Variants in LRRC72 observed in about 807,000 individuals in gnomAD.
LRRC72 encodes leucine rich repeat containing 72, also known as leucine-rich repeat-containing protein 72.
Under a neutral mutation model 35.8 loss-of-function variants are expected in LRRC72, and 41 were observed. That is an observed-to-expected ratio of 1.15 (90% CI 0.89 to 1.49). The LOEUF (loss-of-function observed/expected upper bound fraction) is 1.49, where lower values mean the gene tolerates loss of function less well. LRRC72 is among the 40% of genes most tolerant of loss of function. The pLI, the probability that LRRC72 is intolerant of heterozygous loss-of-function variation, is 0.00. For synonymous variants in LRRC72, 118 were observed against 119.2 expected, an observed-to-expected ratio of 0.99 and a Z score of 0.07; for missense variants, 389 against 330.7, an observed-to-expected ratio of 1.18 and a Z score of -1.37.
chr7:16,563,359 T>C (rs377644982), intron 5 of LRRC72, among the ~76,000 whole-genome samples: 5 of 152,142 alleles, frequency 3.3e-5, no homozygotes, highest in Admixed American at 1.3e-4. Context: ...GGTAAGGTAG[T>C]AGAGACATTT....
intron 7 of LRRC72, among the ~76,000 whole-genome samples, chr7:16,577,888 A>AG (rs1783069990): frequency 6.6e-6 from 1 of 152,200 alleles, no homozygotes; most frequent in Non-Finnish European, 1.5e-5. Context: ...GTTAAAGATG[A>AG]GGGGGGAACG....
intron 1 of LRRC72, among the ~76,000 whole-genome samples, chr7:16,529,615 G>C (rs1348098784): frequency 6.6e-6 from 1 of 152,056 alleles, no homozygotes; most frequent in Non-Finnish European, 1.5e-5. Flanking sequence ...AATGTGAATT[G>C]GAACATTTTC....
intron 3 of LRRC72, among the ~76,000 whole-genome samples, chr7:16,550,763 C>T (rs573045862): frequency 6.6e-6 from 1 of 152,336 alleles, no homozygotes; most frequent in East Asian, 1.9e-4. Flanking sequence ...CCTGCCCTCA[C>T]TTCTACCACA....
chr7:16,539,129 C>G (rs1782312922), intron 3 of LRRC72, among the ~76,000 whole-genome samples: 1 of 152,184 alleles, frequency 6.6e-6, no homozygotes, highest in African/African-American at 2.4e-5. Flanking sequence ...AAGTTTGGAA[C>G]TTCCTAGAGA....
intron 5 of LRRC72, among the ~76,000 whole-genome samples, chr7:16,564,926 T>C (rs1782802862): frequency 6.6e-6 from 1 of 152,206 alleles, no homozygotes; most frequent in African/African-American, 2.4e-5. Context: ...GAGTTTCTAA[T>C]GCTTACTATT....
Position 16,576,934 on chromosome 7 carries a change from G to A in LRRC72, c.671-3140G>A, listed in dbSNP as rs192192399. 2.4e-4 allele frequency among the ~76,000 whole-genome samples: 36 copies of A among 152,284 alleles called. No individual in the cohort carries two copies. In the South Asian group the frequency reaches 3.5e-3, roughly 15 times the overall value. ...GACCAGGCAGACTATTTAACAAACA[G>A]CAATTCACCAAAGAGTGCACCAGTA... On this transcript the variant is annotated intron_variant, in intron 7 of 8. Transcript: ENST00000401542.
chr7:16,530,764 A>G (rs1782147767), intron 1 of LRRC72, among the ~76,000 whole-genome samples: 1 of 152,222 alleles, frequency 6.6e-6, no homozygotes, highest in Admixed American at 6.5e-5. Context: ...GATCAATTTA[A>G]AAGCACATTT....
At chr7:16,576,703 T>C (rs548755430) in intron 7 of LRRC72, among the ~76,000 whole-genome samples, 1 of 152,272 alleles carries the variant, frequency 6.6e-6, no homozygotes, top group South Asian at 2.1e-4. Context: ...TAGAAAGACA[T>C]TAAGGGGTAT....
chr7:16,532,536 T>C lies in LRRC72; in HGVS notation c.132T>C (p.Asp44=). The part of the protein sequence containing the change: ...DQLKICGHRR[D]ADVFELFLSK... ...TAAAGATATGTGGCCACAGGAGGGA[T>C]GCTGATGTCTTTGAGCTGTTCCTTT... Residue 44 remains aspartate (D), a synonymous_variant, in exon 2 of 9, where the codon GAT becomes GAC. Coordinates refer to ENST00000401542, the MANE Select transcript of LRRC72 (RefSeq NM_001195280.2). 6.5e-7 allele frequency: 1 copy of C among 1,550,118 alleles called. No individual in the cohort carries two copies. Among genetic ancestry groups the C allele is most frequent in the Non-Finnish European group, 8.7e-7 (1 of 1,146,484 alleles).
intron 8 of LRRC72, 54 bp from the exon 9 acceptor site, chr7:16,581,270 C>A: frequency 1.4e-6 from 2 of 1,398,840 alleles, no homozygotes; most frequent in South Asian, 3.5e-5. Flanking sequence ...TCATTTTGGT[C>A]AAATTTTCAT....
chr7:16,535,933 C>G (rs986036902), intron 2 of LRRC72, among the ~76,000 whole-genome samples: 7 of 152,196 alleles, frequency 4.6e-5, no homozygotes, highest in Non-Finnish European at 8.8e-5. Context: ...AGTGCCATGG[C>G]ACGATCTCGG....
At chr7:16,554,902 G>A (rs891243078) in intron 3 of LRRC72, among the ~76,000 whole-genome samples, 3 of 152,212 alleles carry the variant, frequency 2.0e-5, no homozygotes, top group African/African-American at 7.2e-5. Flanking sequence ...ATGTGTGGTT[G>A]GCAGGTAACT....
At chr7:16,556,817 C>T (rs1249286431) in intron 3 of LRRC72, among the ~76,000 whole-genome samples, 1 of 152,194 alleles carries the variant, frequency 6.6e-6, no homozygotes, top group South Asian at 2.1e-4. Context: ...CGTACTGCGG[C>T]AGGCCACTCA....
intron 2 of LRRC72, 28 bp downstream of exon 2, chr7:16,532,596 A>G: frequency 7.0e-7 from 1 of 1,429,272 alleles, no homozygotes; most frequent in Non-Finnish European, 9.6e-7. Flanking sequence ...AAAAAATGAA[A>G]GAGTATCATG....
At chr7:16,531,261 T>A (rs933474468) in intron 1 of LRRC72, among the ~76,000 whole-genome samples, 1 of 151,540 alleles carries the variant, frequency 6.6e-6, no homozygotes, top group Non-Finnish European at 1.5e-5. Context: ...CCAATGGGTT[T>A]TTCCAAGCCC....
intron 7 of LRRC72, among the ~76,000 whole-genome samples, chr7:16,578,940 T>C (rs570590526): frequency 3.9e-5 from 6 of 152,286 alleles, no homozygotes; most frequent in Middle Eastern, 3.4e-3. Context: ...GAGAGTAGAA[T>C]GGTGATTGCC....
intron 1 of LRRC72, among the ~76,000 whole-genome samples, chr7:16,528,607 C>G (rs1055049931): frequency 1.3e-5 from 2 of 152,144 alleles, no homozygotes; most frequent in African/African-American, 4.8e-5. Context: ...CTGCCCCCAC[C>G]CTGAGGGGGC....
chr7:16,566,599 A>T (rs541128814), intron 6 of LRRC72, among the ~76,000 whole-genome samples, 197 bp downstream of exon 6: 1 of 152,268 alleles, frequency 6.6e-6, no homozygotes, highest in South Asian at 2.1e-4. Context: ...TTAGAAATTC[A>T]TGTCTCTTTA....
chr7:16,574,989 C>T (rs1783013664), intron 7 of LRRC72, among the ~76,000 whole-genome samples: 2 of 151,944 alleles, frequency 1.3e-5, no homozygotes, highest in Admixed American at 1.3e-4. Context: ...ATGGCGGGCA[C>T]CTGTAATTCC....
Sources: gnomAD v4.1 joint callset for allele counts (sites outside exome capture counted in the v4.1 genomes callset) on GRCh38, gnomAD v4.1.1 for gene constraint, MANE v1.5 for transcripts, NCBI Gene and HGNC (gene_info 2026-07-23, HGNC 2026-07-21) for gene names.